HAP1: variants seen among roughly 807,000 people sequenced by gnomAD.
The protein encoded by HAP1 is huntingtin-associated protein 1.
HAP1 carries 59 observed loss-of-function variants against 60.3 expected under a neutral mutation model. The observed-to-expected ratio is 0.98, with a 90% CI of 0.79 to 1.22. HAP1 has a LOEUF of 1.22. Among genes scored for constraint, HAP1 ranks in the 50% most tolerant of loss-of-function variants. The pLI is 0.00. For missense variants in HAP1, 825 were observed against 785.3 expected (o/e 1.05, Z -0.60); for synonymous variants, 346 against 330.6 (o/e 1.05, Z -0.50).
At chr17:41,727,407 A>G (rs1911747369) in intron 8 of HAP1, 1 of 779,700 alleles carries the variant, frequency 1.3e-6, no homozygotes, top group Admixed American at 1.7e-5. Flanking sequence ...CCCACAATCC[A>G]TGTACTTCTC....
At chr17:41,727,574 T>G (rs1911766153) in intron 8 of HAP1, 188 bp downstream of exon 8, 1 of 665,292 alleles carries the variant, frequency 1.5e-6, no homozygotes, top group African/African-American at 1.8e-5. Flanking sequence ...GTCCCTGCAC[T>G]CCACACCACT....
chr17:41,731,992 C>A lies in HAP1; in HGVS notation c.841G>T (p.Glu281Ter), dbSNP rs1555591150. The change falls in exon 4 of 11, where the codon GAA becomes TAA. Residue 281 changes from glutamate to a stop codon, truncating the protein, a stop_gained. Coordinates refer to ENST00000347901, the MANE Select transcript of HAP1 (RefSeq NM_177977.3). LOFTEE classifies it high-confidence loss of function. ...EEKEAEEEQE[E>*]EEAEEDLQCA... ...TGCAGGTCTTCCTCTGCTTCTTCTT[C>A]TTCCTGTTCCTCTTCTGCCTCCTTT... 1.6e-6 allele frequency: 2 copies of A among 1,280,064 alleles called. No homozygotes were observed. Among genetic ancestry groups the A allele is most frequent in the African/African-American group, 2.9e-5 (2 of 68,466 alleles). The allele number at this position is 1,280,064 out of a possible 1,614,324, so 79.3% of individuals were successfully genotyped here.
At chr17:41,726,980 G>A in intron 9 of HAP1, 73 bp downstream of exon 9, 1 of 756,720 alleles carries the variant, frequency 1.3e-6, no homozygotes, top group Non-Finnish European at 2.3e-6. Flanking sequence ...AGGTCAGAGT[G>A]TGAGGGCAAA....
At chr17:41,718,561 G>A (rs1911073272), downstream of HAP1, among the ~76,000 whole-genome samples, 1 of 151,176 alleles carries the variant, frequency 6.6e-6, no homozygotes, top group Non-Finnish European at 1.5e-5. Context: ...TCCAGCCTAG[G>A]TTAGACTTCC....
intron 6 of HAP1, 36 bp from the exon 7 acceptor site, chr17:41,728,367 C>T: frequency 1.2e-6 from 2 of 1,607,422 alleles, no homozygotes; most frequent in Non-Finnish European, 1.7e-6. Context: ...CCCTGGCTCC[C>T]CTGGCCTTCA....
rs141512623 is a variant in HAP1 at position 41,732,329 on chromosome 17, G to A, written c.615C>T (p.Asn205=). The change falls in exon 3 of 11, where the codon AAC becomes AAT. Residue 205 remains asparagine (N), a synonymous_variant. Coordinates refer to ENST00000347901, the MANE Select transcript of HAP1 (RefSeq NM_177977.3). ...GGGACTGGCCGATGCGAGCTGCAGT[G>A]TTCAGGTCCCTCTCTCTCTGCAGGA... The part of the protein sequence containing the change: ...GMVLQRERDL[N]TAARIGQSLV... The A allele has an allele frequency of 1.7e-4, 282 of 1,614,074 alleles. No homozygotes were observed. The African/African-American group carries it at 2.7e-3, about 15-fold the overall frequency.
intron 8 of HAP1, 148 bp from the exon 9 acceptor site, chr17:41,727,292 C>T (rs782813811): frequency 1.5e-5 from 12 of 780,820 alleles, no homozygotes; most frequent in Non-Finnish European, 2.4e-5. Flanking sequence ...AGGGGAGGGT[C>T]CTCACCAGAG....
rs1162563636 is a variant in HAP1, at chr17:41,729,549, CAAAAAAAAAA to C, written c.1070-1228_1070-1219del. ...TGGGTTACAGAGGGAGCCTCCTTCT[CAAAAAAAAAA>C]AAAAAAAAAAAAAAAAAAAAGGAAA... is the stretch of plus-strand genomic sequence containing the variant. On this transcript the variant is annotated intron_variant, in intron 6 of 10. Coordinates refer to ENST00000347901, the MANE Select transcript of HAP1 (RefSeq NM_177977.3). Among the ~76,000 whole-genome samples the C allele has an allele frequency of 6.0e-3, 380 of 63,078 alleles. 32 individuals carry two copies. Among genetic ancestry groups the C allele is most frequent in the African/African-American group, 0.013 (195 of 14,562 alleles). The allele number at this position is 63,078 out of a possible 152,430, so 41.4% of individuals were successfully genotyped here. A position where few individuals can be genotyped will look rare whatever the true frequency, so the allele number is the denominator to read the frequency against.
chr17:41,727,685 G>A, intron 8 of HAP1, 77 bp downstream of exon 8: 2 of 887,590 alleles, frequency 2.3e-6, no homozygotes, highest in East Asian at 2.4e-5. Flanking sequence ...GAGTCAGGTA[G>A]CTGCCAAGGG....
At chr17:41,729,713 T>G (rs1295719392) in intron 6 of HAP1, among the ~76,000 whole-genome samples, 1 of 148,570 alleles carries the variant, frequency 6.7e-6, no homozygotes, top group Non-Finnish European at 1.5e-5. Context: ...CCATCTCTAC[T>G]AAAAATACAA....
chr17:41,729,319 G>A (rs1222500398), intron 6 of HAP1, among the ~76,000 whole-genome samples: 2 of 150,550 alleles, frequency 1.3e-5, no homozygotes, highest in Non-Finnish European at 1.5e-5. Flanking sequence ...GGAGGCTGAG[G>A]GGGATGGATC....
rs1555590887 is a variant in HAP1 at position 41,731,541 on chromosome 17, G to C, written c.1021C>G (p.Leu341Val). 1 of 1,612,816 alleles carries C rather than the reference G, an allele frequency of 6.2e-7. No homozygotes were observed. ...LREEASQLDT[L>V]EDEEQMLILE... ...ATGAGCATCTGTTCCTCATCCTCAA[G>C]AGTGTCGAGTTGAGAGGCCTGGAGG... The change falls in exon 6 of 11, where the codon CTT becomes GTT. Residue 341 changes from leucine to valine, a missense_variant. Physicochemically the swap from Leu to Val is conservative, Grantham distance 32 (BLOSUM62 1). Transcript: ENST00000347901.
Position 41,732,334 on chromosome 17 carries a change from G to C in HAP1, c.610C>G (p.Leu204Val). ...YGMVLQRERD[L>V]NTAARIGQSL... ...TGGCCGATGCGAGCTGCAGTGTTCA[G>C]GTCCCTCTCTCTCTGCAGGACCATC... The change falls in exon 3 of 11, where the codon CTG becomes GTG. Residue 204 changes from leucine to valine, a missense_variant. Transcript: ENST00000347901. 1 of 1,614,034 alleles carries C rather than the reference G, an allele frequency of 6.2e-7. No individual in the cohort carries two copies. The highest frequency in any genetic ancestry group is 8.5e-7 in the Non-Finnish European group (1 of 1,179,916).
At chr17:41,733,038 G>GTTTTTTTTTTTTTTTTTTGTTTT (rs10679002) in intron 1 of HAP1, among the ~76,000 whole-genome samples, 152 of 107,138 alleles carry the variant, frequency 1.4e-3, no homozygotes, top group Non-Finnish European at 2.0e-3. Context: ...GTTTTTTTTG[G>GTTTTTTTTTTTTTTTTTTGTTTT]TTTTTTTTTT....
At chr17:41,718,419 C>T (rs1320818035), downstream of HAP1, among the ~76,000 whole-genome samples, 3 of 152,208 alleles carry the variant, frequency 2.0e-5, no homozygotes, top group South Asian at 2.1e-4. Context: ...GGGCCTCCCC[C>T]GGCTTCTCCT....
intron 10 of HAP1, among the ~76,000 whole-genome samples, 160 bp from the exon 11 acceptor site, chr17:41,725,314 C>A (rs1313669331): frequency 1.3e-5 from 2 of 151,800 alleles, no homozygotes; most frequent in South Asian, 4.2e-4. Context: ...AAATACCCAG[C>A]CCATCCCCCT....
chr17:41,724,563 G>A lies in HAP1; in HGVS notation c.*138C>T. 1.5e-6 allele frequency: 1 copy of A among 678,938 alleles called. No individual in the cohort carries two copies. Among genetic ancestry groups the A allele is most frequent in the South Asian group, 1.8e-5 (1 of 56,508 alleles). The allele number at this position is 678,938 out of a possible 1,614,324, so 42.1% of individuals were successfully genotyped here. ...TCCTAAGCAAATGCCACATAAATGA[G>A]CACTGACACTACGGTTCCCACTGAA... On this transcript the variant is annotated 3_prime_UTR_variant, in exon 11 of 11. Transcript: ENST00000347901.
intron 1 of HAP1, among the ~76,000 whole-genome samples, chr17:41,733,208 C>T (rs1213578869): frequency 6.6e-6 from 1 of 151,286 alleles, no homozygotes; most frequent in Non-Finnish European, 1.5e-5. Flanking sequence ...CCCGCCACCA[C>T]GCCCAGCTTA....
Position 41,724,951 on chromosome 17 carries a change from G to C in HAP1, c.1610C>G (p.Thr537Ser). Residue 537 changes from threonine to serine, a missense_variant, in exon 11 of 11, where the codon ACC (threonine) becomes AGC (serine). Physicochemically the swap from Thr to Ser is moderately conservative, Grantham distance 58 (BLOSUM62 1). Coordinates refer to ENST00000347901, the MANE Select transcript of HAP1 (RefSeq NM_177977.3). Reference protein sequence around the residue: ...MEEAELVSEETEGWEEVELEL... With the variant: ...MEEAELVSEESEGWEEVELEL... The stretch of plus-strand genomic sequence containing the variant: ...CAGTTCCACCTCCTCCCAGCCCTCG[G>C]TCTCCTCTGACACCAGCTCTGCCTC... 1.2e-6 allele frequency: 2 copies of C among 1,612,668 alleles called. No homozygotes were observed. Among genetic ancestry groups the C allele is most frequent in the Middle Eastern group, 1.6e-4 (1 of 6,062 alleles).
Sources: gnomAD v4.1 joint callset for allele counts (sites outside exome capture counted in the v4.1 genomes callset) on GRCh38, gnomAD v4.1.1 for gene constraint, MANE v1.5 for transcripts, NCBI Gene and HGNC (gene_info 2026-07-23, HGNC 2026-07-21) for gene names.